The following MGA variants were observed in gnomAD, a reference collection of about 807,000 sequenced individuals.
The protein encoded by MGA is MAX dimerization protein MGA, also known as MAX gene-associated protein.
MGA carries 40 observed loss-of-function variants against 261.1 expected under a neutral mutation model. That is an observed-to-expected ratio of 0.15 (90% CI 0.12 to 0.20). The LOEUF (loss-of-function observed/expected upper bound fraction) is 0.20, where lower values mean the gene tolerates loss of function less well. MGA is among the 10% of genes least tolerant of loss of function. The probability of loss-of-function intolerance (pLI) is 1.00; values close to 1 mark genes in which losing one functional copy is unlikely to be tolerated. For synonymous variants in MGA, 1,302 were observed against 1,290.6 expected (o/e 1.01, Z -0.19); for missense variants, 3,397 against 3,630.5 (o/e 0.94, Z 1.65).
Position 41,767,068 on chromosome 15 carries a change from G to A in MGA, c.8986G>A (p.Val2996Ile). Reference sequence around the variant, plus strand: ...AAAGTTGGCCCCTCTAGGTTTAAAAGTAGCTAATCCTTCCAGTGATGCAGA... The same window carrying A: ...AAAGTTGGCCCCTCTAGGTTTAAAAATAGCTAATCCTTCCAGTGATGCAGA... The change falls in exon 24 of 24, where the codon GTA becomes ATA. Residue 2996 changes from valine to isoleucine, a missense_variant. Val to Ile is a conservative substitution (Grantham distance 29). Around this residue, in one of 9 missense-constraint regions of MGA, gnomAD observed 647 missense variants for 642.4 expected, o/e 1.01. Coordinates refer to ENST00000219905, the MANE Select transcript of MGA (RefSeq NM_001164273.2). 1 of 1,614,030 alleles carries A rather than the reference G, an allele frequency of 6.2e-7. No homozygotes were observed. Among genetic ancestry groups the A allele is most frequent in the Non-Finnish European group, 8.5e-7 (1 of 1,179,906 alleles).
chr15:41,660,204 A>G (rs1186956960), upstream of MGA, among the ~76,000 whole-genome samples: 1 of 152,164 alleles, frequency 6.6e-6, no homozygotes, highest in Non-Finnish European at 1.5e-5. Flanking sequence ...TAGAACCTTC[A>G]GTAGGCTTTT....
intron 1 of MGA, among the ~76,000 whole-genome samples, chr15:41,631,109 TAAC>T (rs2056578844): frequency 2.0e-5 from 3 of 152,192 alleles, no homozygotes; most frequent in African/African-American, 7.2e-5. Context: ...AATTTAATCT[TAAC>T]AAGCAATATA....
rs1388259728 is a variant in MGA at position 41,668,959 on chromosome 15, C to G, written c.65C>G (p.Pro22Arg). 2.5e-6 allele frequency: 4 copies of G among 1,611,334 alleles called. No individual in the cohort carries two copies. Among genetic ancestry groups the G allele is most frequent in the Non-Finnish European group, 2.5e-6 (3 of 1,177,952 alleles). The change falls in exon 2 of 24, where the codon CCT becomes CGT. Residue 22 changes from proline to arginine, a missense_variant. Physicochemically the swap from Pro to Arg is moderately radical, Grantham distance 103. Coordinates refer to ENST00000219905, the MANE Select transcript of MGA (RefSeq NM_001164273.2). ...GGTGGAACAGTGGCAGGAGCAGCAC[C>G]TACCTTCTTTGTCATCTTAAAGCAG...
At chr15:41,627,991 G>A (rs372084371) in intron 1 of MGA, among the ~76,000 whole-genome samples, 5 of 152,294 alleles carry the variant, frequency 3.3e-5, no homozygotes, top group South Asian at 2.1e-4. Context: ...GCCCTACTGC[G>A]TGCCAGGTGC....
intron 9 of MGA, among the ~76,000 whole-genome samples, chr15:41,720,477 G>A (rs2060881263): frequency 6.6e-6 from 1 of 152,196 alleles, no homozygotes; most frequent in East Asian, 1.9e-4. Flanking sequence ...TGAGCCTGCA[G>A]TGAGCCGTGA....
At chr15:41,754,702 T>A in intron 18 of MGA, 135 bp downstream of exon 18, 2 of 1,001,342 alleles carry the variant, frequency 2.0e-6, no homozygotes, top group Non-Finnish European at 2.7e-6. Flanking sequence ...TTAGTATAGA[T>A]GAGGAGAGGA....
rs568675486 is a variant in MGA at position 41,699,187 on chromosome 15, T to G, written c.2188+28T>G. On this transcript the variant is annotated intron_variant, in intron 5 of 23. Coordinates refer to ENST00000219905, the MANE Select transcript of MGA (RefSeq NM_001164273.2). ...AATAGACTAGCGACTTCTTTTTTTT[T>G]GTTTTCTTTTTTTCTTTCTTCCCTA... The G allele has an allele frequency of 3.5e-6, 5 of 1,419,934 alleles. No individual in the cohort carries two copies. In the African/African-American group the frequency reaches 5.8e-5, roughly 17 times the overall value. 88.0% of individuals were successfully genotyped at this position (1,419,934 alleles called of 1,614,324 possible).
intron 2 of MGA, among the ~76,000 whole-genome samples, chr15:41,674,064 G>C (rs550478146): frequency 6.6e-6 from 1 of 151,868 alleles, no homozygotes; most frequent in South Asian, 2.1e-4. Flanking sequence ...GCTAATTTTT[G>C]TAGTTTTAGT....
At chr15:41,645,302 T>C (rs1233471442) in intron 1 of MGA, among the ~76,000 whole-genome samples, 1 of 152,218 alleles carries the variant, frequency 6.6e-6, no homozygotes, top group Non-Finnish European at 1.5e-5. Context: ...TTAAGAATTC[T>C]GTTAGGGCCG....
chr15:41,743,310 A>C, intron 15 of MGA, 138 bp downstream of exon 15: 1 of 1,122,286 alleles, frequency 8.9e-7, no homozygotes, highest in Non-Finnish European at 1.2e-6. Context: ...TATTCCTGAA[A>C]ACCTCTGCAT....
In MGA at chr15:41,699,171, G is replaced by A. The variant is rs754530763; in HGVS notation, c.2188+12G>A. Reference sequence around the variant, plus strand: ...TGGTCTTCAAGAAGGTAATAGACTAGCGACTTCTTTTTTTTTGTTTTCTTT... The same window carrying A: ...TGGTCTTCAAGAAGGTAATAGACTAACGACTTCTTTTTTTTTGTTTTCTTT... On this transcript the variant is annotated intron_variant, in intron 5 of 23. Transcript: ENST00000219905. The A allele has an allele frequency of 4.6e-6, 7 of 1,512,234 alleles. No individual in the cohort carries two copies. The highest frequency in any genetic ancestry group is 6.2e-6 in the Non-Finnish European group (7 of 1,124,876). The allele number at this position is 1,512,234 out of a possible 1,614,324, so 93.7% of individuals were successfully genotyped here. A position where few individuals can be genotyped will look rare whatever the true frequency, so the allele number is the denominator to read the frequency against.
chr15:41,684,152 C>G (rs1469478260), intron 2 of MGA, among the ~76,000 whole-genome samples: 1 of 152,004 alleles, frequency 6.6e-6, no homozygotes, highest in Admixed American at 6.6e-5. Context: ...AATGTAGAGA[C>G]AGTGCTTTAT....
At chr15:41,665,500 C>T (rs924781220) in intron 1 of MGA, among the ~76,000 whole-genome samples, 3 of 151,694 alleles carry the variant, frequency 2.0e-5, no homozygotes, top group Non-Finnish European at 2.9e-5. Flanking sequence ...CTCGAGGGAT[C>T]CTCTCACCTC....
At chr15:41,683,287 A>G (rs969163936) in intron 2 of MGA, among the ~76,000 whole-genome samples, 3 of 150,794 alleles carry the variant, frequency 2.0e-5, no homozygotes, top group African/African-American at 4.9e-5. Context: ...GACACAATCC[A>G]TGGCTCACTG....
chr15:41,720,861 T>G (rs1167101162), intron 9 of MGA, among the ~76,000 whole-genome samples: 1 of 152,094 alleles, frequency 6.6e-6, no homozygotes, highest in Admixed American at 6.5e-5. Context: ...TGTAAACAGA[T>G]TCAAACATAA....
chr15:41,749,083 A>G, intron 16 of MGA, 28 bp from the exon 17 acceptor site: 1 of 1,585,680 alleles, frequency 6.3e-7, no homozygotes, highest in Non-Finnish European at 8.6e-7. Flanking sequence ...TCATGATTTA[A>G]AAATTTCTCT....
At chr15:41,701,505 T>C (rs1015864919) in intron 5 of MGA, among the ~76,000 whole-genome samples, 9 of 152,222 alleles carry the variant, frequency 5.9e-5, no homozygotes. Flanking sequence ...CAAAGGCCAG[T>C]GTTTATGGAA....
intron 22 of MGA, 30 bp from the exon 23 acceptor site, chr15:41,764,856 T>G: frequency 1.2e-6 from 2 of 1,611,286 alleles, no homozygotes; most frequent in South Asian, 2.2e-5. Context: ...ATGCCTTTTA[T>G]CTATAACTAA....
At chr15:41,644,512 C>T (rs1351243826) in intron 1 of MGA, among the ~76,000 whole-genome samples, 1 of 151,840 alleles carries the variant, frequency 6.6e-6, no homozygotes, top group African/African-American at 2.4e-5. Context: ...TAAAAATTAG[C>T]CAGGCATGGT....
Sources: allele counts gnomAD v4.1 joint callset (sites outside exome capture counted in the v4.1 genomes callset), GRCh38; gene constraint gnomAD v4.1.1; regional missense constraint gnomAD v4.1.1; transcripts MANE v1.5; gene names NCBI Gene and HGNC (gene_info 2026-07-23, HGNC 2026-07-21).